Variants in FOXP2 observed in about 807,000 individuals in gnomAD.
FOXP2 encodes forkhead box P2, also known as forkhead box protein P2.
In FOXP2, 12 loss-of-function variants were observed where a neutral mutation model predicts 115.8. That is an observed-to-expected ratio of 0.10 (90% CI 0.07 to 0.17). FOXP2 has a LOEUF of 0.17. FOXP2 is among the 10% of genes least tolerant of loss of function. The pLI is 1.00. For synonymous variants in FOXP2, 328 were observed against 297.7 expected (o/e 1.10, Z -1.05); for missense variants, 629 against 843.5 (o/e 0.75, Z 3.15).
At chr7:114,538,206 T>A in intron 3 of FOXP2, 1 of 577,310 alleles carries the variant, frequency 1.7e-6, no homozygotes. Context: ...ACTTCCATAA[T>A]CTGTAAATTT....
intron 2 of FOXP2, among the ~76,000 whole-genome samples, chr7:114,308,526 C>CT (rs778403222): frequency 9.2e-5 from 14 of 152,116 alleles, no homozygotes; most frequent in Non-Finnish European, 1.9e-4. Flanking sequence ...GCGATAAACC[C>CT]TTTTAAGGGA....
At chr7:114,304,974 T>C (rs1352875301) in intron 2 of FOXP2, among the ~76,000 whole-genome samples, 1 of 152,156 alleles carries the variant, frequency 6.6e-6, no homozygotes, top group Non-Finnish European at 1.5e-5. Flanking sequence ...ATTTTGTCAT[T>C]AAATATTTTA....
chr7:114,168,345 A>G (rs1267305322), intron 1 of FOXP2, among the ~76,000 whole-genome samples: 1 of 152,182 alleles, frequency 6.6e-6, no homozygotes. Flanking sequence ...AGCAATATGG[A>G]CGATAAAGTC....
intron 2 of FOXP2, among the ~76,000 whole-genome samples, chr7:114,389,047 G>C (rs1039031255): frequency 2.0e-5 from 3 of 152,180 alleles, no homozygotes; most frequent in African/African-American, 7.2e-5. Flanking sequence ...CTGCAAATTT[G>C]GCTTAAGCCA....
intron 1 of FOXP2, among the ~76,000 whole-genome samples, chr7:114,094,004 G>A (rs1799594287): frequency 6.6e-6 from 1 of 152,096 alleles, no homozygotes; most frequent in Non-Finnish European, 1.5e-5. Context: ...TATGAATACA[G>A]CAAGGACAAG....
At chr7:114,666,207 A>G (rs1169001226) in intron 16 of FOXP2, 1 of 152,208 alleles carries the variant, frequency 6.6e-6, no homozygotes, top group South Asian at 2.1e-4. Context: ...TTTATTTTCC[A>G]TAGATAAAAG....
At position 114,589,654 on chromosome 7, in the gene FOXP2, T is replaced by A. The variant is rs934627935; in HGVS notation, c.259-38886T>A. Among the ~76,000 whole-genome samples, 3 of 152,222 alleles carry A rather than the reference T, an allele frequency of 2.0e-5. No homozygotes were observed. The East Asian group carries it at 5.8e-4, about 29-fold the overall frequency. On this transcript the variant is annotated intron_variant, in intron 3 of 16. Transcript: ENST00000350908. ...GCAAAAGCCATTTCTGTGAGAAAGC[T>A]TGCTCTATTAAGTGGTGAGGGTGTG...
intron 1 of FOXP2, among the ~76,000 whole-genome samples, chr7:114,110,720 G>A (rs1791248038): frequency 6.6e-6 from 1 of 152,126 alleles, no homozygotes; most frequent in Non-Finnish European, 1.5e-5. Flanking sequence ...AAGAGGTTGA[G>A]TATGGGATAT....
At chr7:114,181,203 G>A (rs1374547733) in intron 1 of FOXP2, among the ~76,000 whole-genome samples, 1 of 151,454 alleles carries the variant, frequency 6.6e-6, no homozygotes, top group East Asian at 1.9e-4. Flanking sequence ...ATGCAGAGGT[G>A]AAAGATCAGG....
chr7:114,452,407 A>G (rs941008874), intron 2 of FOXP2, among the ~76,000 whole-genome samples: 1 of 151,906 alleles, frequency 6.6e-6, no homozygotes, highest in Admixed American at 6.6e-5. Flanking sequence ...GTGTGTTCTG[A>G]CTCCAGGACA....
At chr7:114,104,679 T>G (rs995876265) in intron 1 of FOXP2, among the ~76,000 whole-genome samples, 1 of 152,032 alleles carries the variant, frequency 6.6e-6, no homozygotes, top group African/African-American at 2.4e-5. Flanking sequence ...TAGTAAAAGT[T>G]AAAGTAAACT....
intron 16 of FOXP2, among the ~76,000 whole-genome samples, chr7:114,676,248 G>A (rs1807757456): frequency 6.6e-6 from 1 of 151,910 alleles, no homozygotes; most frequent in African/African-American, 2.4e-5. Context: ...TTCTATCGGA[G>A]CTAGTTAATG....
At chr7:114,629,652 G>A in intron 4 of FOXP2, 153 bp from the exon 5 acceptor site, 1 of 1,596,814 alleles carries the variant, frequency 6.3e-7, no homozygotes, top group Non-Finnish European at 8.5e-7. Flanking sequence ...TGTATGTAGA[G>A]CTGTCTCTTT....
chr7:114,128,080 T>C (rs1461067212), intron 1 of FOXP2, among the ~76,000 whole-genome samples: 1 of 152,194 alleles, frequency 6.6e-6, no homozygotes, highest in Non-Finnish European at 1.5e-5. Context: ...AGGCTAATGA[T>C]TGAACTGGTT....
Position 114,692,818 on chromosome 7 carries a change from C to T in FOXP2, c.*2892C>T, listed in dbSNP as rs1252999844. ...TCTGTTTATGTATTGGTGGAATATA[C>T]CTGTTTTATTTATCTTTTTTGAGGT... is the stretch of plus-strand genomic sequence containing the variant. On this transcript the variant is annotated 3_prime_UTR_variant, in exon 17 of 17. Transcript: ENST00000350908. 2.2e-6 allele frequency: 1 copy of T among 449,428 alleles called. No homozygotes were observed. Among genetic ancestry groups the T allele is most frequent in the South Asian group, 1.6e-5 (1 of 63,418 alleles). 27.8% of individuals were successfully genotyped at this position (449,428 alleles called of 1,614,324 possible).
chr7:114,227,383 A>C (rs562361075), intron 1 of FOXP2, among the ~76,000 whole-genome samples: 1 of 152,178 alleles, frequency 6.6e-6, no homozygotes, highest in African/African-American at 2.4e-5. Flanking sequence ...AAGACTCCAA[A>C]CACCCAAGCA....
At chr7:114,206,391 A>T in intron 1 of FOXP2, among the ~76,000 whole-genome samples, 1 of 152,040 alleles carries the variant, frequency 6.6e-6, no homozygotes, top group Non-Finnish European at 1.5e-5. Context: ...AGTTTCTCAA[A>T]CATGCCAGGT....
intron 3 of FOXP2, among the ~76,000 whole-genome samples, chr7:114,545,272 G>C (rs1344417563): frequency 6.6e-6 from 1 of 152,132 alleles, no homozygotes; most frequent in Admixed American, 6.5e-5. Flanking sequence ...ACTTCCAGAT[G>C]CAACAGTTAT....
chr7:114,616,093 T>C (rs1803935080), intron 3 of FOXP2, among the ~76,000 whole-genome samples: 1 of 152,220 alleles, frequency 6.6e-6, no homozygotes. Context: ...TATGTCTTGT[T>C]CTTGTAGAAT....
Sources: gnomAD v4.1 joint callset for allele counts (sites outside exome capture counted in the v4.1 genomes callset) on GRCh38, gnomAD v4.1.1 for gene constraint, MANE v1.5 for transcripts, NCBI Gene and HGNC (gene_info 2026-07-23, HGNC 2026-07-21) for gene names.